The following RBM48 variants were observed in gnomAD, a reference collection of about 807,000 sequenced individuals.
The protein encoded by RBM48 is RNA binding motif protein 48, also known as RNA-binding protein 48.
RBM48 carries 32 observed loss-of-function variants against 34.8 expected under a neutral mutation model. The ratio of observed to expected loss-of-function variants is 0.92; its 90% CI spans 0.69 to 1.23. RBM48 has a LOEUF of 1.23. Ranked by LOEUF, RBM48 falls within the 50% of genes most tolerant of loss-of-function variation. The pLI, the probability that RBM48 is intolerant of heterozygous loss-of-function variation, is 0.00. For synonymous variants in RBM48, 151 were observed against 156.2 expected (o/e 0.97, Z 0.25); for missense variants, 441 against 447.2 (o/e 0.99, Z 0.12).
Position 92,534,416 on chromosome 7 carries a change from A to G in RBM48, c.463A>G (p.Lys155Glu), listed in dbSNP as rs749569099. Residue 155 changes from lysine (K) to glutamate (E), a missense_variant, in exon 4 of 5, where the codon AAG becomes GAG. Physicochemically the swap from Lys to Glu is moderately conservative, Grantham distance 56. Transcript: ENST00000265732. Reference sequence around the variant, plus strand: ...GTAATATAAAGACCATTACGTGACAAAGAAGAAATTGGTTACAGAGCATAA... The same window carrying G: ...GTAATATAAAGACCATTACGTGACAGAGAAGAAATTGGTTACAGAGCATAA... ...TTENKDHYVT[K>E]KKLVTEHKDT... 6.2e-7 allele frequency: 1 copy of G among 1,610,094 alleles called. No homozygotes were observed. Among genetic ancestry groups the G allele is most frequent in the Non-Finnish European group, 8.5e-7 (1 of 1,178,260 alleles).
intron 2 of RBM48, among the ~76,000 whole-genome samples, chr7:92,531,652 T>A (rs1793578620): frequency 6.6e-6 from 1 of 152,218 alleles, no homozygotes; most frequent in African/African-American, 2.4e-5. Flanking sequence ...TTTTCTATAG[T>A]ACGTAGTCTG....
At chr7:92,529,439 T>C (rs1435862679) in intron 1 of RBM48, 37 bp from the exon 2 acceptor site, 1 of 1,329,740 alleles carries the variant, frequency 7.5e-7, no homozygotes, top group South Asian at 1.3e-5. Context: ...CTAGGCTTAT[T>C]TGCGAAATAC....
Position 92,528,907 on chromosome 7 carries a change from C to T in RBM48, c.94C>T (p.Arg32Trp). 1.2e-6 allele frequency: 2 copies of T among 1,613,576 alleles called. No individual in the cohort carries two copies. Among genetic ancestry groups the T allele is most frequent in the African/African-American group, 1.3e-5 (1 of 75,004 alleles). The change falls in exon 1 of 5, where the codon CGG becomes TGG. Residue 32 changes from arginine (R) to tryptophan (W), a missense_variant. Arg to Trp is a moderately radical substitution (Grantham distance 101). Coordinates refer to ENST00000265732, the MANE Select transcript of RBM48 (RefSeq NM_032120.4). The stretch of plus-strand genomic sequence containing the variant: ...ACGGGCCAAATATCGAGAGGGACGA[C>T]GGCCTCGTGCTGTGAAGGTAAAGTG... ...DTRAKYREGR[R>W]PRAVKVYTIN...
chr7:92,535,779 G>T (rs2116330048), intron 4 of RBM48: 1 of 971,718 alleles, frequency 1.0e-6, no homozygotes, highest in Admixed American at 6.2e-5. Context: ...AAAAATATCT[G>T]ATTAAAGGTA....
At chr7:92,532,369 A>G (rs750919296) in intron 2 of RBM48, 35 bp from the exon 3 acceptor site, 1 of 1,564,958 alleles carries the variant, frequency 6.4e-7, no homozygotes, top group Non-Finnish European at 8.7e-7. Context: ...GTAAATCTAG[A>G]TTAAAAAACT....
rs748598553 is a variant in RBM48 at position 92,528,822 on chromosome 7, G to T, written c.9G>T (p.Ser3=). Residue 3 remains serine (S), a synonymous_variant, in exon 1 of 5, where the codon TCG becomes TCT. Coordinates refer to ENST00000265732, the MANE Select transcript of RBM48 (RefSeq NM_032120.4). ...GGATCAAAGTAGGCAAGATGGCGTC[G>T]AGCGGCGGGGAGCTAGGGAGTTTAT... MA[S]SGGELGSLFD... is the part of the protein sequence containing the mutation. 1.2e-6 allele frequency: 2 copies of T among 1,613,900 alleles called. No homozygotes were observed. The highest frequency in any genetic ancestry group is 1.1e-5 in the South Asian group (1 of 91,044).
chr7:92,530,698 G>C (rs1235651106), intron 2 of RBM48, among the ~76,000 whole-genome samples: 4 of 151,908 alleles, frequency 2.6e-5, no homozygotes, highest in Non-Finnish European at 5.9e-5. Context: ...TCCTGGGGAG[G>C]CTGAGGCACA....
chr7:92,534,503 T>G lies in RBM48; in HGVS notation c.550T>G (p.Leu184Val), dbSNP rs1228937370. The change falls in exon 4 of 5, where the codon TTG (leucine) becomes GTG (valine). Residue 184 changes from leucine to valine, a missense_variant. Leu to Val is a conservative substitution (Grantham distance 32, BLOSUM62 1). Coordinates refer to ENST00000265732, the MANE Select transcript of RBM48 (RefSeq NM_032120.4). ...SEMSGFCKAA[L>V]NTSAGNSNPY... ...GATGTCTGGATTTTGTAAAGCTGCT[T>G]TGAACACTTCTGCAGGGAACTCAAA... The G allele has an allele frequency of 6.2e-7, 1 of 1,614,032 alleles. No individual in the cohort carries two copies. The highest frequency in any genetic ancestry group is 8.5e-7 in the Non-Finnish European group (1 of 1,180,040).
chr7:92,532,743 C>T (rs1283788276), intron 3 of RBM48, among the ~76,000 whole-genome samples, 194 bp downstream of exon 3: 1 of 152,154 alleles, frequency 6.6e-6, no homozygotes, highest in African/African-American at 2.4e-5. Flanking sequence ...TCATAGAAGA[C>T]TTCCTATAGT....
At position 92,532,460 on chromosome 7, in the gene RBM48, G is replaced by C. The variant is rs376509478; in HGVS notation, c.359G>C (p.Cys120Ser). ...TTCTTCGGTGGATTGCTTCATGTGT[G>C]CTATGCTCCAGAATTTGAAACAGTT... Reference protein sequence around the residue: ...QSFFGGLLHVCYAPEFETVEE... With the variant: ...QSFFGGLLHVSYAPEFETVEE... Residue 120 changes from cysteine to serine, a missense_variant, in exon 3 of 5, where the codon TGC becomes TCC. Coordinates refer to ENST00000265732, the MANE Select transcript of RBM48 (RefSeq NM_032120.4). The C allele has an allele frequency of 1.1e-4, 174 of 1,612,316 alleles. No individual in the cohort carries two copies. The highest frequency in any genetic ancestry group is 1.4e-4 in the Non-Finnish European group (161 of 1,178,532).
At chr7:92,535,215 G>A in intron 4 of RBM48, 9 of 1,387,784 alleles carry the variant, frequency 6.5e-6, no homozygotes, top group Non-Finnish European at 7.4e-6. Flanking sequence ...TATTAAAGCA[G>A]TGGTTTCAGC....
In RBM48 at chr7:92,537,768, T is replaced by A. The variant is rs1428803160; in HGVS notation, c.*831T>A. ...GTTACTACTTCTGGCATATCCACAC[T>A]TTTTTCTGTCAGTGGATTACATAAT... On this transcript the variant is annotated 3_prime_UTR_variant, in exon 5 of 5. Transcript: ENST00000265732. The A allele has an allele frequency of 6.6e-6, 1 of 152,242 alleles. No homozygotes were observed. Among genetic ancestry groups the A allele is most frequent in the Non-Finnish European group, 1.5e-5 (1 of 68,024 alleles). The allele number at this position is 152,242 out of a possible 1,614,324, so 9.4% of individuals were successfully genotyped here.
At position 92,538,009 on chromosome 7, in the gene RBM48, C is replaced by G. The variant is rs576774357; in HGVS notation, c.*1072C>G. On this transcript the variant is annotated 3_prime_UTR_variant, in exon 5 of 5. Transcript: ENST00000265732. ...AAAAATAACTTGAGAAGGTCCATACCGTGGTGTGTTGTTTTCATTTCTCCC... is the reference window on the plus strand; with the variant it reads ...AAAAATAACTTGAGAAGGTCCATACGGTGGTGTGTTGTTTTCATTTCTCCC... The G allele has an allele frequency of 6.6e-6, 1 of 152,218 alleles. No homozygotes were observed. The highest frequency in any genetic ancestry group is 2.4e-5 in the African/African-American group (1 of 41,524). 9.4% of individuals were successfully genotyped at this position (152,218 alleles called of 1,614,324 possible). A position where few individuals can be genotyped will look rare whatever the true frequency, so the allele number is the denominator to read the frequency against.
chr7:92,533,967 T>TAA (rs768646005), intron 3 of RBM48, among the ~76,000 whole-genome samples: 2,947 of 83,780 alleles, frequency 0.035, 140 homozygotes, highest in African/African-American at 0.11. Context: ...TCTGAAATTG[T>TAA]AAAAAAAAAA....
chr7:92,528,800 T>TG lies in RBM48; in HGVS notation c.-14_-13insG. The stretch of plus-strand genomic sequence containing the variant: ...GCGGATGTTGTCCTCCCTGCGAGGA[T>TG]CAAAGTAGGCAAGATGGCGTCGAGC... On this transcript the variant is annotated 5_prime_UTR_variant, in exon 1 of 5. The change creates a new upstream start codon in the 5' untranslated region. Coordinates refer to ENST00000265732, the MANE Select transcript of RBM48 (RefSeq NM_032120.4). 6.2e-7 allele frequency: 1 copy of TG among 1,610,204 alleles called. No homozygotes were observed. The highest frequency in any genetic ancestry group is 8.5e-7 in the Non-Finnish European group (1 of 1,176,572).
intron 4 of RBM48, chr7:92,535,970 ACCAT>A (rs1793701630): frequency 2.5e-6 from 1 of 393,920 alleles, no homozygotes; most frequent in Non-Finnish European, 3.5e-6. Context: ...CCCCATCTTT[ACCAT>A]AAATATACAA....
At position 92,534,786 on chromosome 7, in the gene RBM48, C is replaced by A. The variant is rs765291690; in HGVS notation, c.833C>A (p.Thr278Lys). The A allele has an allele frequency of 6.8e-6, 11 of 1,614,078 alleles. No homozygotes were observed. In the East Asian group the frequency reaches 2.5e-4, roughly 36 times the overall value. The change falls in exon 4 of 5, where the codon ACA (threonine) becomes AAA (lysine). Residue 278 changes from threonine to lysine, a missense_variant. Transcript: ENST00000265732. ...GCAGTTGACAGATTTATGCCTAGGA[C>A]AACACAACTGCAGGAGCGCAAAAGA... ...SEAVDRFMPR[T>K]TQLQERKRRR...
chr7:92,529,144 G>A, intron 1 of RBM48: 1 of 596,794 alleles, frequency 1.7e-6, no homozygotes. Context: ...CTTGGTTTTA[G>A]TCATTGGATC....
intron 1 of RBM48, chr7:92,529,192 T>TC (rs1793469274): frequency 1.7e-6 from 1 of 574,872 alleles, no homozygotes; most frequent in African/African-American, 1.9e-5. Context: ...AGGTAAGCAC[T>TC]CAGTGAATAT....
Sources: gnomAD v4.1 joint callset for allele counts (sites outside exome capture counted in the v4.1 genomes callset) on GRCh38, gnomAD v4.1.1 for gene constraint, MANE v1.5 for transcripts, NCBI Gene and HGNC (gene_info 2026-07-23, HGNC 2026-07-21) for gene names.